Variants in ULK1 observed in about 807,000 individuals in gnomAD.
ULK1 encodes the protein serine/threonine-protein kinase ULK1.
Under a neutral mutation model 117.5 loss-of-function variants are expected in ULK1, and 48 were observed. The ratio of observed to expected loss-of-function variants is 0.41; its 90% CI spans 0.32 to 0.52. ULK1 has a LOEUF of 0.52. ULK1 is among the 20% of genes least tolerant of loss of function. ULK1 has a pLI of 0.29. For missense variants in ULK1, 1,387 were observed against 1,473.4 expected, an observed-to-expected ratio of 0.94 and a Z score of 0.96; for synonymous variants, 790 against 637.8, an observed-to-expected ratio of 1.24 and a Z score of -3.60.
rs528912243 is a variant in ULK1 at position 131,905,486 on chromosome 12, G to C, written c.247-1406G>C. 9.8e-5 allele frequency among the ~76,000 whole-genome samples: 15 copies of C among 152,290 alleles called. 1 individual carries two copies. Among genetic ancestry groups the C allele is most frequent in the Non-Finnish European group, 2.2e-4 (15 of 68,026 alleles). On this transcript the variant is annotated intron_variant, in intron 3 of 27. Coordinates refer to ENST00000321867, the MANE Select transcript of ULK1 (RefSeq NM_003565.4). ...CTTTGCTTTGAGAGAGCCTGGGCTC[G>C]CTCAGGGGTAGAAGTGGGATGGCCC...
Position 131,921,852 on chromosome 12 carries a change from G to A in ULK1, c.*491G>A. 2.2e-6 allele frequency: 1 copy of A among 462,090 alleles called. No homozygotes were observed. The highest frequency in any genetic ancestry group is 1.5e-5 in the South Asian group (1 of 64,602). The allele number at this position is 462,090 out of a possible 1,614,324, so 28.6% of individuals were successfully genotyped here. ...ATCACCCAAGCACTTTATGCATATA[G>A]AGACAGAACCTGGACCTCACCAGGG... On this transcript the variant is annotated 3_prime_UTR_variant, in exon 28 of 28. Transcript: ENST00000321867.
At chr12:131,896,268 G>T (rs1888865362) in intron 3 of ULK1, among the ~76,000 whole-genome samples, 1 of 152,076 alleles carries the variant, frequency 6.6e-6, no homozygotes, top group South Asian at 2.1e-4. Context: ...ACTCCTGCTC[G>T]CTGGCAGTCA....
At chr12:131,915,507 C>A in intron 18 of ULK1, 86 bp downstream of exon 18, 1 of 1,483,092 alleles carries the variant, frequency 6.7e-7, no homozygotes, top group Non-Finnish European at 9.1e-7. Context: ...CTTGCTCTTT[C>A]CAAGTGAAAA....
rs775884176 is a variant in ULK1 at position 131,916,014 on chromosome 12, T to C, written c.1733T>C (p.Leu578Pro). 3 of 1,595,066 alleles carry C rather than the reference T, an allele frequency of 1.9e-6. No individual in the cohort carries two copies. ...PKLPKPPTDP[L>P]GAVFSPPQAS... ...CTGCCCAAACCCCCCACGGACCCCC[T>C]GGGAGCTGTGTTCAGCCCACCACAG... Residue 578 changes from leucine (L) to proline (P), a missense_variant, in exon 19 of 28, where the codon CTG (leucine) becomes CCG (proline). Around this residue, in one of 4 missense-constraint regions of ULK1, gnomAD observed 900 missense variants for 858.9 expected, o/e 1.05. Coordinates refer to ENST00000321867, the MANE Select transcript of ULK1 (RefSeq NM_003565.4).
intron 5 of ULK1, 22 bp downstream of exon 5, chr12:131,907,553 C>T (rs757293785): frequency 1.2e-6 from 2 of 1,606,342 alleles, no homozygotes; most frequent in Non-Finnish European, 1.7e-6. Context: ...GCTGCGCCAC[C>T]TGGGCTGCCA....
At position 131,894,663 on chromosome 12, in the gene ULK1, C is replaced by T. The variant is rs960127066; in HGVS notation, c.-339C>T. On this transcript the variant is annotated 5_prime_UTR_variant, in exon 1 of 28. Transcript: ENST00000321867. The stretch of plus-strand genomic sequence containing the variant: ...CGTCTCAGGCTCTGAGGCCCGGGCG[C>T]CGCGGCTCTTTTGTTTCTCCGTTGG... 2.6e-5 allele frequency: 4 copies of T among 151,370 alleles called. No individual in the cohort carries two copies. The highest frequency in any genetic ancestry group is 6.6e-5 in the Admixed American group (1 of 15,214). The allele number at this position is 151,370 out of a possible 1,614,324, so 9.4% of individuals were successfully genotyped here. A position where few individuals can be genotyped will look rare whatever the true frequency, so the allele number is the denominator to read the frequency against.
chr12:131,919,810 G>T, intron 25 of ULK1, 169 bp from the exon 26 acceptor site: 2 of 1,129,238 alleles, frequency 1.8e-6, no homozygotes, highest in Middle Eastern at 3.0e-4. Context: ...GGGTCGGATG[G>T]CACCCGGGAC....
chr12:131,914,304 T>G (rs1314833945), intron 15 of ULK1, 48 bp from the exon 16 acceptor site: 39 of 1,592,594 alleles, frequency 2.4e-5, no homozygotes, highest in Non-Finnish European at 3.1e-5. Context: ...GACCTCAGCC[T>G]CTTGTGACCC....
rs548244662 is a variant in ULK1, at chr12:131,920,983, G to A, written c.2962-117G>A. 72 of 1,390,964 alleles carry A rather than the reference G, an allele frequency of 5.2e-5. 1 individual carries two copies. The East Asian group carries it at 8.3e-4, about 16-fold the overall frequency. 86.2% of individuals were successfully genotyped at this position (1,390,964 alleles called of 1,614,324 possible). ...GCTGCACCAGCACTTATGTCTCCAC[G>A]TCACTGCCCTGAGCGCCTATCTGCC... is the stretch of plus-strand genomic sequence containing the variant. On this transcript the variant is annotated intron_variant, in intron 26 of 27. Transcript: ENST00000321867.
chr12:131,906,651 C>G (rs1399528621), intron 3 of ULK1: 3 of 582,464 alleles, frequency 5.2e-6, no homozygotes, highest in Non-Finnish European at 9.2e-6. Flanking sequence ...GGAGCTGTTG[C>G]TCTTATGGGG....
intron 19 of ULK1, 94 bp downstream of exon 19, chr12:131,916,253 T>G (rs945185701): frequency 2.6e-6 from 4 of 1,535,338 alleles, no homozygotes; most frequent in Non-Finnish European, 3.5e-6. Context: ...AAGGCAGCTC[T>G]GTACCTTTTG....
intron 3 of ULK1, among the ~76,000 whole-genome samples, chr12:131,904,610 T>C (rs1889201849): frequency 1.3e-5 from 2 of 152,190 alleles, no homozygotes; most frequent in Non-Finnish European, 2.9e-5. Context: ...GCTCCTGCTC[T>C]GCACACATGG....
At chr12:131,916,613 T>C in intron 20 of ULK1, 22 bp downstream of exon 20, 2 of 1,537,416 alleles carry the variant, frequency 1.3e-6, no homozygotes, top group South Asian at 1.2e-5. Context: ...GGACAGGCCT[T>C]GGACGGGCTT....
chr12:131,909,256 G>GC lies in ULK1; in HGVS notation c.666+20dup. The GC allele has an allele frequency of 6.4e-7, 1 of 1,558,142 alleles. No individual in the cohort carries two copies. Among genetic ancestry groups the GC allele is most frequent in the Non-Finnish European group, 8.7e-7 (1 of 1,151,776 alleles). On this transcript the variant is annotated intron_variant, in intron 8 of 27. Coordinates refer to ENST00000321867, the MANE Select transcript of ULK1 (RefSeq NM_003565.4). ...CTTCCAGGTAACTGGGCTTGGCCCTGCTCCCCACGCCGCACCGTCAGTGCA... is the reference window on the plus strand; with the variant it reads ...CTTCCAGGTAACTGGGCTTGGCCCTGCCTCCCCACGCCGCACCGTCAGTGCA...
rs1593274702 is a variant in ULK1 at position 131,917,505 on chromosome 12, C to A, written c.2277C>A (p.Pro759=). Residue 759 remains proline (P), a synonymous_variant, in exon 22 of 28, where the codon CCC becomes CCA. Transcript: ENST00000321867. ...PSPVVFTVGS[P]PSGSTPPQGP... ...CGGTGGTCTTCACCGTGGGCTCTCCCCCGAGCGGGAGCACGCCCCCCCAGG... is the reference window on the plus strand; with the variant it reads ...CGGTGGTCTTCACCGTGGGCTCTCCACCGAGCGGGAGCACGCCCCCCCAGG... 6.8e-7 allele frequency: 1 copy of A among 1,476,794 alleles called. No individual in the cohort carries two copies. Among genetic ancestry groups the A allele is most frequent in the Non-Finnish European group, 9.0e-7 (1 of 1,111,768 alleles). The allele number at this position is 1,476,794 out of a possible 1,614,324, so 91.5% of individuals were successfully genotyped here.
At chr12:131,909,361 G>T in intron 8 of ULK1, 124 bp downstream of exon 8, 3 of 1,151,700 alleles carry the variant, frequency 2.6e-6, no homozygotes, top group Non-Finnish European at 3.6e-6. Flanking sequence ...CTGGCTGGCG[G>T]GGCGGGCGTC....
At chr12:131,918,869 T>G (rs1227909368) in intron 23 of ULK1, among the ~76,000 whole-genome samples, 188 bp downstream of exon 23, 6 of 34,624 alleles carry the variant, frequency 1.7e-4, no homozygotes, top group East Asian at 1.9e-3. Context: ...GTCGGGTGTG[T>G]GGGGTGTCGG....
rs372117793 is a variant in ULK1 at position 131,916,919 on chromosome 12, C to T, written c.2073-34C>T. ...GAGGTCCAGTTAGGGTGGGGTGGGC[C>T]GGGCACCCAGCACAGCCCTGCACAC... On this transcript the variant is annotated intron_variant, in intron 20 of 27. Coordinates refer to ENST00000321867, the MANE Select transcript of ULK1 (RefSeq NM_003565.4). The T allele has an allele frequency of 4.2e-4, 578 of 1,370,734 alleles. 3 individuals carry two copies. Among genetic ancestry groups the T allele is most frequent in the East Asian group, 2.0e-3 (54 of 26,570 alleles). 84.9% of individuals were successfully genotyped at this position (1,370,734 alleles called of 1,614,324 possible).
At position 131,914,376 on chromosome 12, in the gene ULK1, C is replaced by T. The variant is rs749588589; in HGVS notation, c.1272C>T (p.Ser424=). 22 of 1,611,882 alleles carry T rather than the reference C, an allele frequency of 1.4e-5. No homozygotes were observed. The East Asian group carries it at 4.9e-4, about 36-fold the overall frequency. The stretch of plus-strand genomic sequence containing the variant: ...GCCGGGCTGGCCCGTTCTCCAGCAG[C>T]AGGTGCGGCGCCTCTGTCCCCATCC... ...PSGRAGPFSS[S]RCGASVPIPV... The change falls in exon 16 of 28, where the codon AGC becomes AGT. Residue 424 remains serine (S), a synonymous_variant. Transcript: ENST00000321867.
Sources: gnomAD v4.1 joint callset for allele counts (sites outside exome capture counted in the v4.1 genomes callset) on GRCh38, gnomAD v4.1.1 for gene constraint, gnomAD v4.1.1 regional missense constraint, MANE v1.5 for transcripts, NCBI Gene and HGNC (gene_info 2026-07-23, HGNC 2026-07-21) for gene names.